PDE1C: variants seen among roughly 807,000 people sequenced by gnomAD.
The protein encoded by PDE1C is phosphodiesterase 1C.
A neutral mutation model predicts 93.1 loss-of-function variants in PDE1C; 62 were observed. The ratio of observed to expected loss-of-function variants is 0.67; its 90% CI spans 0.54 to 0.82. The LOEUF (loss-of-function observed/expected upper bound fraction) is 0.82, where lower values mean the gene tolerates loss of function less well. Among genes scored for constraint, PDE1C ranks in the 40% least tolerant of loss-of-function variants. The pLI, the probability that PDE1C is intolerant of heterozygous loss-of-function variation, is 0.00. For missense variants in PDE1C, 742 were observed against 884.6 expected, an observed-to-expected ratio of 0.84 and a Z score of 2.04; for synonymous variants, 325 against 310.1, an observed-to-expected ratio of 1.05 and a Z score of -0.50.
chr7:32,198,916 A>C (rs1475782662), intron 2 of PDE1C, among the ~76,000 whole-genome samples: 1 of 152,128 alleles, frequency 6.6e-6, no homozygotes, highest in African/African-American at 2.4e-5. Flanking sequence ...CAGGAGTTTG[A>C]GACCAGCCTG....
At chr7:31,801,960 G>A (rs1424631079) in intron 16 of PDE1C, among the ~76,000 whole-genome samples, 2 of 151,412 alleles carry the variant, frequency 1.3e-5, no homozygotes, top group African/African-American at 4.8e-5. Context: ...GGTGAAGTCA[G>A]GAATTTTATA....
chr7:32,185,245 CA>C, intron 2 of PDE1C, among the ~76,000 whole-genome samples: 1 of 68,866 alleles, frequency 1.5e-5, no homozygotes, highest in South Asian at 5.6e-4. Flanking sequence ...AACTCTGTCT[CA>C]GAAAAAAAAA....
At chr7:32,067,807 T>C (rs1299601945) in intron 1 of PDE1C, among the ~76,000 whole-genome samples, 1 of 152,190 alleles carries the variant, frequency 6.6e-6, no homozygotes, top group Non-Finnish European at 1.5e-5. Flanking sequence ...TATATATTTA[T>C]CTTCATTTTG....
At chr7:32,298,729 C>T in exon 1 of PDE1C, 1 of 1,597,174 alleles carries the variant, frequency 6.3e-7, no homozygotes, top group Non-Finnish European at 8.5e-7. Flanking sequence ...TTGCCGGCGT[C>T]CGTCATGGCT....
At chr7:31,657,095 T>C in the PDE1C span, among the ~76,000 whole-genome samples, 5 of 3,964 alleles carry the variant, frequency 1.3e-3, no homozygotes, top group South Asian at 5.3e-3. Context: ...TTATATATGA[T>C]ATATATAAAA....
chr7:31,852,867 T>C (rs1400862439), intron 7 of PDE1C, among the ~76,000 whole-genome samples: 1 of 151,264 alleles, frequency 6.6e-6, no homozygotes, highest in Non-Finnish European at 1.5e-5. Context: ...TTTTTTTCCA[T>C]TTTGGCATTG....
rs536634895 is a variant in PDE1C, at chr7:32,011,704, T to C, written c.128+39850A>G. 5.3e-5 allele frequency among the ~76,000 whole-genome samples: 8 copies of C among 152,336 alleles called. No individual in the cohort carries two copies. In the South Asian group the frequency reaches 1.7e-3, roughly 32 times the overall value. On this transcript the variant is annotated intron_variant, in intron 2 of 17. Coordinates refer to ENST00000396191, the MANE Select transcript of PDE1C (RefSeq NM_001191057.4). ...AGTGTTGACAAGGATATGGAGCGACTAGAACTCTCATATCCTGCTGATGGG... is the reference window on the plus strand; with the variant it reads ...AGTGTTGACAAGGATATGGAGCGACCAGAACTCTCATATCCTGCTGATGGG...
In PDE1C at chr7:32,223,703, T is replaced by C. The variant is rs1464234124; in HGVS notation, c.86-14164A>G. Among the ~76,000 whole-genome samples the C allele has an allele frequency of 3.3e-5, 5 of 152,166 alleles. No homozygotes were observed. In the East Asian group the frequency reaches 9.6e-4, roughly 29 times the overall value. ...TGAAGGCAGCCCCCAGCAGCCTCAT[T>C]CTCTGTACCCTCAGAACCAGAATAG... On this transcript the variant is annotated intron_variant, in intron 1 of 18. Transcript: ENST00000396193.
chr7:32,084,317 A>G (rs1280345808), intron 3 of PDE1C, among the ~76,000 whole-genome samples: 6 of 151,494 alleles, frequency 4.0e-5, no homozygotes, highest in African/African-American at 1.2e-4. Flanking sequence ...CTAAATATAT[A>G]TGCACCCAAT....
chr7:31,920,521 C>T (rs1487439182), intron 2 of PDE1C, among the ~76,000 whole-genome samples: 2 of 152,102 alleles, frequency 1.3e-5, no homozygotes, highest in African/African-American at 4.8e-5. Context: ...CCAAAGGAGA[C>T]TGATCTCAGG....
intron 1 of PDE1C, chr7:32,298,599 G>T: frequency 6.4e-7 from 1 of 1,551,890 alleles, no homozygotes; most frequent in Non-Finnish European, 8.7e-7. Context: ...GACCGCCACC[G>T]GAGAGGGCGT....
intron 2 of PDE1C, among the ~76,000 whole-genome samples, chr7:31,948,347 C>A (rs1330488040): frequency 6.6e-6 from 1 of 152,192 alleles, no homozygotes; most frequent in Admixed American, 6.5e-5. Context: ...GGAAAAGGAG[C>A]TGTAAATGAT....
At chr7:32,088,715 C>A (rs1797280032) in intron 3 of PDE1C, among the ~76,000 whole-genome samples, 1 of 131,336 alleles carries the variant, frequency 7.6e-6, no homozygotes, top group African/African-American at 3.0e-5. Context: ...GAGCCACTCG[C>A]CTGTCTTTAG....
chr7:32,095,141 T>C (rs1797682452), intron 3 of PDE1C, among the ~76,000 whole-genome samples: 1 of 152,246 alleles, frequency 6.6e-6, no homozygotes, highest in Admixed American at 6.5e-5. Flanking sequence ...AGGAAATTTA[T>C]AATAAATGCT....
intron 1 of PDE1C, among the ~76,000 whole-genome samples, chr7:32,315,261 C>T (rs570682152): frequency 1.3e-5 from 2 of 151,838 alleles, no homozygotes; most frequent in Non-Finnish European, 2.9e-5. Flanking sequence ...ACTGGCTTCC[C>T]TGGGATCAAA....
At chr7:32,151,375 A>G (rs763344185) in intron 3 of PDE1C, among the ~76,000 whole-genome samples, 1 of 152,196 alleles carries the variant, frequency 6.6e-6, no homozygotes, top group Non-Finnish European at 1.5e-5. Flanking sequence ...ATTGTCTCTT[A>G]CAGTTCCTGA....
rs1368875533 is a variant in PDE1C at position 32,055,227 on chromosome 7, T to TA, written c.102-3648dup. 2.0e-5 allele frequency among the ~76,000 whole-genome samples: 3 copies of TA among 152,334 alleles called. No homozygotes were observed. In the East Asian group the frequency reaches 5.8e-4, roughly 29 times the overall value. On this transcript the variant is annotated intron_variant, in intron 1 of 17. Transcript: ENST00000396191. ...TTTCCTTCTACTAAGCAATGATTTA[T>TA]AATGAGCAGTGAGGACATCCACCAC...
At chr7:31,783,014 G>GT in intron 16 of PDE1C, among the ~76,000 whole-genome samples, 1 of 152,184 alleles carries the variant, frequency 6.6e-6, no homozygotes, top group East Asian at 1.9e-4. Context: ...CCTACAATGA[G>GT]TTTATTGGGA....
downstream of PDE1C, among the ~76,000 whole-genome samples, chr7:31,746,660 T>A (rs974664727): frequency 6.6e-6 from 1 of 152,166 alleles, no homozygotes; most frequent in Non-Finnish European, 1.5e-5. Flanking sequence ...TATGGTTCAG[T>A]GGGGGAAACC....
Sources: gnomAD v4.1 joint callset for allele counts (sites outside exome capture counted in the v4.1 genomes callset) on GRCh38, gnomAD v4.1.1 for gene constraint, MANE v1.5 for transcripts, NCBI Gene and HGNC (gene_info 2026-07-23, HGNC 2026-07-21) for gene names.